The following NCKAP5 variants were observed in gnomAD, a reference collection of about 807,000 sequenced individuals.
NCKAP5 encodes the protein nck-associated protein 5.
A neutral mutation model predicts 167.0 loss-of-function variants in NCKAP5; 92 were observed. That is an observed-to-expected ratio of 0.55 (90% confidence interval 0.47 to 0.66). The LOEUF is 0.66. NCKAP5 is among the 30% of genes least tolerant of loss of function. The pLI is 0.00. For missense variants in NCKAP5, 2,378 were observed against 2,315.0 expected (o/e 1.03, Z -0.56); for synonymous variants, 891 against 877.4 (o/e 1.02, Z -0.27).
At chr2:133,226,243 A>T (rs1410407419) in intron 4 of NCKAP5, among the ~76,000 whole-genome samples, 1 of 152,152 alleles carries the variant, frequency 6.6e-6, no homozygotes, top group African/African-American at 2.4e-5. Context: ...ACCGGGCCCA[A>T]AAAGGTGGTT....
chr2:133,425,100 G>A (rs1201226056), intron 3 of NCKAP5, among the ~76,000 whole-genome samples: 1 of 152,208 alleles, frequency 6.6e-6, no homozygotes, highest in Non-Finnish European at 1.5e-5. Flanking sequence ...GAGTGGAGCA[G>A]TCAGTCTGCG....
At chr2:132,899,638 G>A (rs1380499769) in intron 8 of NCKAP5, among the ~76,000 whole-genome samples, 1 of 152,244 alleles carries the variant, frequency 6.6e-6, no homozygotes, top group Admixed American at 6.5e-5. Flanking sequence ...ACTTTGGAAG[G>A]CCGAAGCGGG....
chr2:133,363,977 T>C (rs920540074), intron 3 of NCKAP5, among the ~76,000 whole-genome samples: 1 of 152,214 alleles, frequency 6.6e-6, no homozygotes, highest in South Asian at 2.1e-4. Context: ...ATACAGGACT[T>C]ATGACATTTA....
At chr2:133,058,683 A>T (rs1203334654) in intron 6 of NCKAP5, among the ~76,000 whole-genome samples, 1 of 152,236 alleles carries the variant, frequency 6.6e-6, no homozygotes, top group East Asian at 1.9e-4. Flanking sequence ...ACTACTGTGA[A>T]GATACTATGT....
chr2:132,908,786 G>A (rs1376324433), intron 8 of NCKAP5, among the ~76,000 whole-genome samples: 1 of 152,178 alleles, frequency 6.6e-6, no homozygotes, highest in African/African-American at 2.4e-5. Context: ...AAAACCTGCT[G>A]TATAATCTTC....
chr2:133,165,836 T>C (rs2083977631), intron 5 of NCKAP5, among the ~76,000 whole-genome samples: 1 of 152,198 alleles, frequency 6.6e-6, no homozygotes, highest in Non-Finnish European at 1.5e-5. Context: ...GGAAGATATT[T>C]CACTATAATC....
At chr2:133,582,890 G>T in the NCKAP5 span, among the ~76,000 whole-genome samples, 61 of 152,248 alleles carry the variant, frequency 4.0e-4, no homozygotes, top group African/African-American at 1.4e-3. Context: ...TTTTGTTCAA[G>T]ATGTCTCCAG....
chr2:133,539,736 A>T (rs1686066748), intron 2 of NCKAP5, among the ~76,000 whole-genome samples: 1 of 152,238 alleles, frequency 6.6e-6, no homozygotes, highest in African/African-American at 2.4e-5. Flanking sequence ...CCTAGAATAA[A>T]GCACAGAGAG....
intron 3 of NCKAP5, among the ~76,000 whole-genome samples, chr2:133,318,029 G>A (rs1043559735): frequency 6.6e-6 from 1 of 152,212 alleles, no homozygotes; most frequent in African/African-American, 2.4e-5. Context: ...GAAGAATGTG[G>A]AAAAGGGAAA....
chr2:133,148,520 AG>A (rs1172422408), intron 5 of NCKAP5, among the ~76,000 whole-genome samples: 2 of 152,172 alleles, frequency 1.3e-5, no homozygotes, highest in African/African-American at 4.8e-5. Context: ...TCTCTTAAGC[AG>A]GGAAGTGCTT....
chr2:133,578,608 A>C, the NCKAP5 span, among the ~76,000 whole-genome samples: 2 of 152,174 alleles, frequency 1.3e-5, no homozygotes, highest in Non-Finnish European at 2.9e-5. Flanking sequence ...CTCACTCCAC[A>C]GTATCCTGCA....
chr2:133,454,687 T>G (rs1187896825), intron 3 of NCKAP5, among the ~76,000 whole-genome samples: 2 of 152,068 alleles, frequency 1.3e-5, no homozygotes, highest in Non-Finnish European at 2.9e-5. Context: ...TAAACATTAC[T>G]TTCTTAGATG....
At chr2:132,861,348 A>G (rs1689896224) in intron 10 of NCKAP5, among the ~76,000 whole-genome samples, 1 of 152,076 alleles carries the variant, frequency 6.6e-6, no homozygotes. Flanking sequence ...TTCCAAACTG[A>G]CTGCAATAAA....
At chr2:133,012,400 G>C (rs553955039) in intron 6 of NCKAP5, among the ~76,000 whole-genome samples, 1 of 151,988 alleles carries the variant, frequency 6.6e-6, no homozygotes, top group Non-Finnish European at 1.5e-5. Context: ...GGTGCACGCC[G>C]CCATGCCTGG....
At chr2:132,747,080 T>C (rs906445562) in intron 16 of NCKAP5, among the ~76,000 whole-genome samples, 5 of 151,372 alleles carry the variant, frequency 3.3e-5, no homozygotes, top group African/African-American at 1.2e-4. Flanking sequence ...TACAAAAACT[T>C]ACTGAACTAT....
intron 3 of NCKAP5, among the ~76,000 whole-genome samples, chr2:133,402,480 T>C (rs1688164377): frequency 6.6e-6 from 1 of 152,148 alleles, no homozygotes; most frequent in African/African-American, 2.4e-5. Flanking sequence ...AGCTCTTTGG[T>C]AGCTGATAGG....
At chr2:133,583,753 C>CT in the NCKAP5 span, among the ~76,000 whole-genome samples, 3,138 of 150,238 alleles carry the variant, frequency 0.021, 69 homozygotes, top group Non-Finnish European at 0.027. Context: ...TGATATAAAC[C>CT]TTTTTTTTTT....
intron 16 of NCKAP5, among the ~76,000 whole-genome samples, chr2:132,765,343 G>A (rs1288478520): frequency 4.0e-5 from 5 of 124,386 alleles, no homozygotes; most frequent in African/African-American, 9.6e-5. Flanking sequence ...ACGGAGTTTC[G>A]CTCTGTCCCT....
At chr2:132,796,839 AT>A in intron 11 of NCKAP5, 110 bp from the exon 12 acceptor site, 1 of 715,002 alleles carries the variant, frequency 1.4e-6, no homozygotes, top group Non-Finnish European at 2.3e-6. Context: ...AGATTAGATA[AT>A]ACATGTCCTA....
Sources: allele counts gnomAD v4.1 joint callset (sites outside exome capture counted in the v4.1 genomes callset), GRCh38; gene constraint gnomAD v4.1.1; transcripts MANE v1.5; gene names NCBI Gene and HGNC (gene_info 2026-07-23, HGNC 2026-07-21).